The following NTRK2 variants were observed in gnomAD, a reference collection of about 807,000 sequenced individuals.
NTRK2 encodes neurotrophic receptor tyrosine kinase 2, also known as BDNF/NT-3 growth factors receptor.
NTRK2 carries 13 observed loss-of-function variants against 94.5 expected under a neutral mutation model. That is an observed-to-expected ratio of 0.14 (90% CI 0.09 to 0.22). The LOEUF is 0.22. Among genes scored for constraint, NTRK2 ranks in the 10% least tolerant of loss-of-function variants. The pLI, the probability that NTRK2 is intolerant of heterozygous loss-of-function variation, is 1.00. For missense variants in NTRK2, 639 were observed against 1,071.2 expected (o/e 0.60, Z 5.63); for synonymous variants, 372 against 407.4 (o/e 0.91, Z 1.05).
chr9:85,016,872 T>C (rs1245809574), intron 17 of NTRK2, among the ~76,000 whole-genome samples: 4 of 152,154 alleles, frequency 2.6e-5, no homozygotes, highest in Non-Finnish European at 5.9e-5. Flanking sequence ...AAGGGATTCT[T>C]GAAAGAATTA....
chr9:84,675,774 C>G (rs939100945), intron 2 of NTRK2, among the ~76,000 whole-genome samples: 1 of 152,196 alleles, frequency 6.6e-6, no homozygotes, highest in African/African-American at 2.4e-5. Context: ...AATCCCACCT[C>G]AAGCCTCAAA....
intron 11 of NTRK2, among the ~76,000 whole-genome samples, chr9:84,750,428 A>G (rs1483992363): frequency 1.3e-5 from 2 of 152,216 alleles, no homozygotes; most frequent in African/African-American, 4.8e-5. Context: ...AACCAGAAAT[A>G]TTAGACAAAC....
At chr9:84,875,420 T>C in intron 14 of NTRK2, 1 of 1,062,270 alleles carries the variant, frequency 9.4e-7, no homozygotes. Flanking sequence ...AATGAGAGGC[T>C]CTCTTGTTCT....
chr9:84,898,168 T>C (rs560874041), intron 14 of NTRK2, among the ~76,000 whole-genome samples: 1 of 152,160 alleles, frequency 6.6e-6, no homozygotes, highest in Non-Finnish European at 1.5e-5. Flanking sequence ...AGATTCATTA[T>C]AACCACACAG....
rs200161888 is a variant in NTRK2, at chr9:84,670,693, G to T, written c.-56G>T. On this transcript the variant is annotated 5_prime_UTR_variant, in exon 2 of 19. Transcript: ENST00000277120. ...GGAAGGCCTCCCCGCACGGGTGGGG[G>T]AAAGCGGCCGGTGCAGCGCGGGGAC... The T allele has an allele frequency of 2.0e-4, 319 of 1,576,598 alleles. No individual in the cohort carries two copies. The African/African-American group carries it at 3.5e-3, about 17-fold the overall frequency.
In NTRK2 at chr9:85,025,911, G is replaced by C. The variant is rs1396850281; in HGVS notation, c.*4474G>C. 4 of 232,824 alleles carry C rather than the reference G, an allele frequency of 1.7e-5. No individual in the cohort carries two copies. In the East Asian group the frequency reaches 2.4e-4, roughly 14 times the overall value. The allele number at this position is 232,824 out of a possible 1,614,324, so 14.4% of individuals were successfully genotyped here. A position where few individuals can be genotyped will look rare whatever the true frequency, so the allele number is the denominator to read the frequency against. On this transcript the variant is annotated 3_prime_UTR_variant, in exon 19 of 19. Transcript: ENST00000277120. ...TTTCAAATGTCATTCTAAAGAATGA[G>C]GGGTGGGAGGGATTTATAGTTAGAA...
intron 12 of NTRK2, chr9:84,814,253 G>A: frequency 9.4e-7 from 1 of 1,065,336 alleles, no homozygotes; most frequent in Non-Finnish European, 1.1e-6. Flanking sequence ...GCCCAGAATG[G>A]CTGAGGCTTG....
chr9:84,873,367 C>T, intron 14 of NTRK2: 1 of 1,058,532 alleles, frequency 9.4e-7, no homozygotes, highest in South Asian at 4.6e-5. Flanking sequence ...ACAGAGAATG[C>T]ACTTATTTTA....
rs138958039 is a variant in NTRK2 at position 84,875,447 on chromosome 9, A to G, written c.1633+8016A>G. 9.3e-4 allele frequency: 985 copies of G among 1,062,516 alleles called. 12 individuals are homozygous for G. The African/African-American group carries it at 0.014, about 15-fold the overall frequency. 65.8% of individuals were successfully genotyped at this position (1,062,516 alleles called of 1,614,324 possible). The stretch of plus-strand genomic sequence containing the variant: ...TCTTGTTCTGACAAGGCAGGCTGAG[A>G]GCTCTCATTTAGGGTCATCACTCCA... On this transcript the variant is annotated intron_variant, in intron 14 of 18. Transcript: ENST00000277120.
intron 4 of NTRK2, among the ~76,000 whole-genome samples, chr9:84,703,710 G>A (rs952745576): frequency 3.3e-5 from 5 of 152,148 alleles, no homozygotes; most frequent in African/African-American, 1.2e-4. Context: ...CATTAATGAT[G>A]AAGTCACTTT....
At chr9:84,951,425 G>A (rs2078778454) in intron 16 of NTRK2, among the ~76,000 whole-genome samples, 1 of 152,184 alleles carries the variant, frequency 6.6e-6, no homozygotes, top group African/African-American at 2.4e-5. Context: ...CCATGCCCCA[G>A]TCTACTTCCC....
At chr9:84,920,844 G>A (rs1271209498) in intron 14 of NTRK2, among the ~76,000 whole-genome samples, 1 of 152,074 alleles carries the variant, frequency 6.6e-6, no homozygotes, top group Non-Finnish European at 1.5e-5. Context: ...ATCCCCACAG[G>A]GACAGTGTCA....
intron 9 of NTRK2, 88 bp downstream of exon 9, chr9:84,728,047 C>A: frequency 8.1e-7 from 1 of 1,240,072 alleles, no homozygotes; most frequent in Non-Finnish European, 1.2e-6. Context: ...AAGCCATCCC[C>A]CAACCTAGTG....
intron 2 of NTRK2, among the ~76,000 whole-genome samples, chr9:84,687,191 AG>A (rs1313791800): frequency 6.6e-6 from 1 of 152,146 alleles, no homozygotes; most frequent in East Asian, 1.9e-4. Context: ...CTGGGATTAC[AG>A]GTGTAAGTCA....
At chr9:84,961,985 G>A (rs1824994522) in intron 17 of NTRK2, among the ~76,000 whole-genome samples, 1 of 152,212 alleles carries the variant, frequency 6.6e-6, no homozygotes, top group Non-Finnish European at 1.5e-5. Context: ...ATCCAGGAGT[G>A]GGGTCTTCTT....
chr9:84,825,959 C>T (rs566345535), intron 12 of NTRK2, among the ~76,000 whole-genome samples: 2 of 152,278 alleles, frequency 1.3e-5, no homozygotes, highest in African/African-American at 4.8e-5. Context: ...CTATGTGGGA[C>T]CTCATAGCTG....
chr9:84,695,735 C>T (rs1234074128), intron 2 of NTRK2, among the ~76,000 whole-genome samples: 2 of 152,156 alleles, frequency 1.3e-5, no homozygotes. Flanking sequence ...CTGACCTGCC[C>T]AATTATTTAA....
intron 7 of NTRK2, among the ~76,000 whole-genome samples, chr9:84,723,981 C>G (rs1034362349): frequency 6.6e-6 from 1 of 152,176 alleles, no homozygotes; most frequent in Non-Finnish European, 1.5e-5. Flanking sequence ...GAGTGACTTT[C>G]CCTGTGGTCT....
intron 16 of NTRK2, 141 bp downstream of exon 16, chr9:84,948,775 G>C: frequency 2.9e-6 from 2 of 683,332 alleles, no homozygotes; most frequent in Admixed American, 5.7e-5. Flanking sequence ...ATATGCCAGA[G>C]AAAGGAGGAG....
Sources: gnomAD v4.1 joint callset for allele counts (sites outside exome capture counted in the v4.1 genomes callset) on GRCh38, gnomAD v4.1.1 for gene constraint, MANE v1.5 for transcripts, NCBI Gene and HGNC (gene_info 2026-07-23, HGNC 2026-07-21) for gene names.